The following CCDC144A variants were observed in gnomAD, a reference collection of about 807,000 sequenced individuals.
CCDC144A encodes coiled-coil domain containing 144A, also known as coiled-coil domain-containing protein 144A.
Under a neutral mutation model 143.8 loss-of-function variants are expected in CCDC144A, and 41 were observed. The observed-to-expected ratio is 0.29, with a 90% CI of 0.22 to 0.37. CCDC144A has a LOEUF of 0.37. Among genes scored for constraint, CCDC144A ranks in the 10% least tolerant of loss-of-function variants. The pLI is 1.00. For synonymous variants in CCDC144A, 242 were observed against 517.9 expected (o/e 0.47, Z 7.23); for missense variants, 637 against 1,488.8 (o/e 0.43, Z 9.41).
In CCDC144A at chr17:16,705,232, C is replaced by G; in HGVS notation, c.497C>G (p.Ser166Cys). 2 of 775,874 alleles carry G rather than the reference C, an allele frequency of 2.6e-6. No individual in the cohort carries two copies. The highest frequency in any genetic ancestry group is 4.4e-6 in the Non-Finnish European group (2 of 449,810). 48.1% of individuals were successfully genotyped at this position (775,874 alleles called of 1,614,324 possible). A position where few individuals can be genotyped will look rare whatever the true frequency, so the allele number is the denominator to read the frequency against. ...KNLKVDDKCP[S>C]VSPSMPENQS... ...CTGAAAGTTGATGATAAATGTCCAT[C>G]TGTATCACCATCAATGCCTGAAAAT... Residue 166 changes from serine (S) to cysteine (C), a missense_variant, in exon 3 of 17, where the codon TCT becomes TGT. Coordinates refer to ENST00000399273, the MANE Select transcript of CCDC144A (RefSeq NM_001382000.1).
intron 15 of CCDC144A, chr17:16,766,909 T>A (rs1490036434): frequency 6.6e-6 from 1 of 152,170 alleles, no homozygotes; most frequent in Non-Finnish European, 1.5e-5. Flanking sequence ...AATGTTAATG[T>A]AGTAGTTCCA....
chr17:16,708,961 T>A lies in CCDC144A; in HGVS notation c.904T>A (p.Phe302Ile). 6.2e-7 allele frequency: 1 copy of A among 1,611,596 alleles called. No homozygotes were observed. Among genetic ancestry groups the A allele is most frequent in the South Asian group, 1.1e-5 (1 of 90,946 alleles). The change falls in exon 5 of 17, where the codon TTT becomes ATT. Residue 302 changes from phenylalanine (F) to isoleucine (I), a missense_variant. By Grantham distance (21) the Phe-to-Ile change is conservative. Transcript: ENST00000399273. ...KLVINELKQR[F>I]GEIYEKYKIP... ...CGTCATAAATGAGTTAAAGCAGAGG[T>A]TTGGTGAAATTTATGAAAAATACAA...
chr17:16,745,967 G>A (rs2586647), intron 12 of CCDC144A: 32 of 1,607,942 alleles, frequency 2.0e-5, no homozygotes, highest in Non-Finnish European at 2.5e-5. Context: ...GCCTCCTGCC[G>A]TCATCCACAT....
intron 15 of CCDC144A, among the ~76,000 whole-genome samples, chr17:16,767,801 G>A (rs1462628954): frequency 2.6e-5 from 4 of 152,204 alleles, no homozygotes; most frequent in African/African-American, 9.7e-5. Flanking sequence ...GTTGAAACAA[G>A]TTTTCTCTAC....
the CCDC144A span, chr17:16,683,930 G>A: frequency 5.5e-6 from 7 of 1,277,406 alleles, no homozygotes; most frequent in Non-Finnish European, 8.0e-6. Flanking sequence ...GCCACGAGCA[G>A]GAATCCGCGT....
chr17:16,771,794 T>C (rs966858696), intron 15 of CCDC144A, among the ~76,000 whole-genome samples, 183 bp from the exon 16 acceptor site: 4 of 152,262 alleles, frequency 2.6e-5, no homozygotes, highest in African/African-American at 9.6e-5. Flanking sequence ...ATAACACATA[T>C]ATGTTCTCCA....
chr17:16,680,620 G>A, the CCDC144A span, among the ~76,000 whole-genome samples: 16,476 of 142,328 alleles, frequency 0.12, 1,111 homozygotes, highest in East Asian at 0.33. Flanking sequence ...AGGAAGGAAT[G>A]AGGGAAGGAA....
At chr17:16,667,913 T>C in the CCDC144A span, among the ~76,000 whole-genome samples, 1 of 148,444 alleles carries the variant, frequency 6.7e-6, no homozygotes, top group Non-Finnish European at 1.5e-5. Context: ...TGTGCAGAGG[T>C]GGGAAGACTC....
intron 2 of CCDC144A, among the ~76,000 whole-genome samples, chr17:16,694,679 G>A (rs1200885035): frequency 6.6e-6 from 1 of 151,996 alleles, no homozygotes; most frequent in African/African-American, 2.4e-5. Context: ...GCAGAAGTCA[G>A]AAAAGCAATT....
At chr17:16,737,162 CTTTTTTT>C (rs757856458) in intron 12 of CCDC144A, among the ~76,000 whole-genome samples, 1 of 102,666 alleles carries the variant, frequency 9.7e-6, no homozygotes, top group Non-Finnish European at 1.9e-5. Context: ...AGAGTTAAAT[CTTTTTTT>C]TTTTTTTTTT....
At chr17:16,686,043 A>G (rs1329971704), upstream of CCDC144A, among the ~76,000 whole-genome samples, 1 of 149,688 alleles carries the variant, frequency 6.7e-6, no homozygotes, top group Non-Finnish European at 1.5e-5. Flanking sequence ...CAGCCTCCCA[A>G]AGTGCTGGGA....
At chr17:16,675,519 TATAAC>T in the CCDC144A span, among the ~76,000 whole-genome samples, 1 of 151,432 alleles carries the variant, frequency 6.6e-6, no homozygotes, top group Non-Finnish European at 1.5e-5. Context: ...ACACAACTAA[TATAAC>T]ATACGGAAAA....
chr17:16,683,587 G>A, the CCDC144A span: 34 of 1,610,480 alleles, frequency 2.1e-5, no homozygotes, highest in Middle Eastern at 2.0e-4. Flanking sequence ...CAGGTGGACC[G>A]GTTTCCTGCT....
intron 1 of CCDC144A, among the ~76,000 whole-genome samples, chr17:16,692,101 G>A (rs1339395264): frequency 2.0e-5 from 3 of 152,160 alleles, no homozygotes. Context: ...TCTCAGAAAT[G>A]AGAGAATGTC....
At chr17:16,683,399 T>C in the CCDC144A span, 2 of 776,298 alleles carry the variant, frequency 2.6e-6, no homozygotes, top group Non-Finnish European at 4.2e-6. Context: ...TTAGTGGTTC[T>C]TGGGAGTCAA....
At chr17:16,708,034 G>A (rs1912157801) in intron 4 of CCDC144A, among the ~76,000 whole-genome samples, 1 of 152,036 alleles carries the variant, frequency 6.6e-6, no homozygotes, top group Admixed American at 6.6e-5. Context: ...GTGGGGTTAT[G>A]AAATCAACCC....
chr17:16,681,340 C>T, the CCDC144A span, among the ~76,000 whole-genome samples: 1 of 151,980 alleles, frequency 6.6e-6, no homozygotes, highest in Non-Finnish European at 1.5e-5. Flanking sequence ...AATCTCTTGA[C>T]CAATCTATTT....
chr17:16,679,095 G>A, the CCDC144A span, among the ~76,000 whole-genome samples: 5 of 151,726 alleles, frequency 3.3e-5, no homozygotes, highest in African/African-American at 4.8e-5. Context: ...TGGCGGGGGG[G>A]GGTCTCACTT....
At chr17:16,676,487 G>T in the CCDC144A span, among the ~76,000 whole-genome samples, 1 of 150,932 alleles carries the variant, frequency 6.6e-6, no homozygotes, top group East Asian at 1.9e-4. Flanking sequence ...CTCCAGCCTG[G>T]GTGACAGAGC....
Sources: allele counts gnomAD v4.1 joint callset (sites outside exome capture counted in the v4.1 genomes callset), GRCh38; gene constraint gnomAD v4.1.1; transcripts MANE v1.5; gene names NCBI Gene and HGNC (gene_info 2026-07-23, HGNC 2026-07-21).